The following NRG3 variants were observed in gnomAD, a reference collection of about 807,000 sequenced individuals.
NRG3 encodes neuregulin 3.
A neutral mutation model predicts 66.9 loss-of-function variants in NRG3; 31 were observed. The ratio of observed to expected loss-of-function variants is 0.46; its 90% CI spans 0.35 to 0.63. The LOEUF (loss-of-function observed/expected upper bound fraction) is 0.63. NRG3 is among the 20% of genes least tolerant of loss of function. The probability of loss-of-function intolerance (pLI) is 0.00; values close to 1 mark genes in which losing one functional copy is unlikely to be tolerated. For missense variants in NRG3, 910 were observed against 878.9 expected (o/e 1.04, Z -0.45); for synonymous variants, 393 against 359.4 (o/e 1.09, Z -1.06).
chr10:81,996,826 T>C (rs2060957655), intron 1 of NRG3, among the ~76,000 whole-genome samples: 1 of 152,180 alleles, frequency 6.6e-6, no homozygotes, highest in Admixed American at 6.5e-5. Flanking sequence ...GCATTTTCTA[T>C]ATCATCATTT....
intron 1 of NRG3, among the ~76,000 whole-genome samples, chr10:82,357,872 C>CT (rs1412591483): frequency 6.6e-6 from 1 of 152,118 alleles, no homozygotes; most frequent in Non-Finnish European, 1.5e-5. Flanking sequence ...AAATTAAAAG[C>CT]TTAAGCATTG....
chr10:82,639,549 G>T (rs2050424364), intron 2 of NRG3, among the ~76,000 whole-genome samples: 1 of 152,138 alleles, frequency 6.6e-6, no homozygotes, highest in African/African-American at 2.4e-5. Flanking sequence ...AAGACAATGG[G>T]ATATTTAGCT....
At chr10:81,945,916 A>G (rs1280601259) in intron 1 of NRG3, among the ~76,000 whole-genome samples, 2 of 152,110 alleles carry the variant, frequency 1.3e-5, no homozygotes, top group Admixed American at 6.6e-5. Context: ...AGGAAACACC[A>G]AAGATTTGCA....
chr10:82,732,807 A>T (rs1182702547), intron 2 of NRG3, among the ~76,000 whole-genome samples: 1 of 152,214 alleles, frequency 6.6e-6, no homozygotes, highest in Non-Finnish European at 1.5e-5. Flanking sequence ...CTTGCCTCTC[A>T]AATGTAAACT....
chr10:82,540,307 T>C (rs2132742242), intron 2 of NRG3, among the ~76,000 whole-genome samples: 1 of 152,298 alleles, frequency 6.6e-6, no homozygotes, highest in African/African-American at 2.4e-5. Context: ...CCTTCCAGTG[T>C]TGTGCTTTTC....
At chr10:82,053,798 G>C (rs922926250) in intron 1 of NRG3, among the ~76,000 whole-genome samples, 2 of 152,138 alleles carry the variant, frequency 1.3e-5, no homozygotes, top group African/African-American at 4.8e-5. Flanking sequence ...GGGAGTGTTG[G>C]GTGTGCAATT....
chr10:81,892,922 C>T (rs1206537840), intron 1 of NRG3, among the ~76,000 whole-genome samples: 1 of 152,128 alleles, frequency 6.6e-6, no homozygotes, highest in Non-Finnish European at 1.5e-5. Flanking sequence ...CAAATTATCT[C>T]ATGTAATCCA....
chr10:82,587,674 C>G (rs1590780617), intron 2 of NRG3, among the ~76,000 whole-genome samples: 1 of 152,046 alleles, frequency 6.6e-6, no homozygotes, highest in Non-Finnish European at 1.5e-5. Flanking sequence ...TCTTTCAGTT[C>G]TAGAGCCGCT....
intron 1 of NRG3, among the ~76,000 whole-genome samples, chr10:82,037,517 C>T (rs2062839779): frequency 6.6e-6 from 1 of 152,136 alleles, no homozygotes; most frequent in African/African-American, 2.4e-5. Flanking sequence ...CTCTCCTTTT[C>T]CCTTCTTTGT....
intron 2 of NRG3, among the ~76,000 whole-genome samples, chr10:82,696,267 A>G (rs1172262795): frequency 2.0e-5 from 3 of 152,164 alleles, no homozygotes; most frequent in African/African-American, 7.2e-5. Flanking sequence ...TTTTCCCTAG[A>G]GACCATCACG....
intron 3 of NRG3, among the ~76,000 whole-genome samples, chr10:82,811,865 C>A (rs972567894): frequency 6.6e-6 from 1 of 152,164 alleles, no homozygotes; most frequent in Non-Finnish European, 1.5e-5. Flanking sequence ...CTGTCTTAAT[C>A]CATACTTCAG....
chr10:82,554,782 G>T (rs965280121), intron 2 of NRG3, among the ~76,000 whole-genome samples: 2 of 152,082 alleles, frequency 1.3e-5, no homozygotes, highest in Non-Finnish European at 2.9e-5. Context: ...ATATTAATTG[G>T]ATCTTGTGTA....
chr10:82,574,766 A>G (rs2790713), intron 2 of NRG3, among the ~76,000 whole-genome samples: 13,340 of 151,848 alleles, frequency 0.088, 646 homozygotes, highest in East Asian at 0.15. Flanking sequence ...AGATAAACCT[A>G]AAGTTTATGT....
chr10:82,035,623 C>G (rs1564756100), intron 1 of NRG3, among the ~76,000 whole-genome samples: 3 of 152,030 alleles, frequency 2.0e-5, no homozygotes, highest in African/African-American at 7.2e-5. Context: ...TTTCCTATGA[C>G]TTACTGGAAA....
chr10:82,542,033 C>T (rs10884918), intron 2 of NRG3, among the ~76,000 whole-genome samples: 8,929 of 152,190 alleles, frequency 0.059, 590 homozygotes, highest in East Asian at 0.16. Flanking sequence ...TTTTAAGCCC[C>T]GCATGCATTA....
Position 82,633,728 on chromosome 10 carries a change from A to G in NRG3, c.954-104849A>G, listed in dbSNP as rs191305767. ...CTCTGTTTCCACGAGACGTTACTAGAAAAATGGAGGCTGTAGCCAAGTTTG... is the reference window on the plus strand; with the variant it reads ...CTCTGTTTCCACGAGACGTTACTAGGAAAATGGAGGCTGTAGCCAAGTTTG... On this transcript the variant is annotated intron_variant, in intron 2 of 8. Transcript: ENST00000372141. 4.5e-4 allele frequency among the ~76,000 whole-genome samples: 68 copies of G among 152,310 alleles called. 1 individual carries two copies. In the South Asian group the frequency reaches 0.01, roughly 23 times the overall value.
intron 1 of NRG3, among the ~76,000 whole-genome samples, chr10:82,182,360 A>G (rs2073484777): frequency 6.6e-6 from 1 of 151,384 alleles, no homozygotes; most frequent in Non-Finnish European, 1.5e-5. Context: ...TGTTTCATTG[A>G]TTTTTTATAG....
At chr10:82,877,371 C>CTTT (rs59994503) in intron 4 of NRG3, among the ~76,000 whole-genome samples, 31 of 78,984 alleles carry the variant, frequency 3.9e-4, no homozygotes, top group Non-Finnish European at 6.1e-4. Context: ...ATAGGGCAGA[C>CTTT]TTTTTTTTTT....
In NRG3 at chr10:82,314,804, C is replaced by T. The variant is rs184151718; in HGVS notation, c.824-43935C>T. The stretch of plus-strand genomic sequence containing the variant: ...CAGCCTGGGTGACAGAGCGAGAGTC[C>T]GTCTCAAAACAAATAAACAAAAAAA... On this transcript the variant is annotated intron_variant, in intron 1 of 8. Transcript: ENST00000372141. Among the ~76,000 whole-genome samples the T allele has an allele frequency of 1.7e-3, 259 of 152,078 alleles. 1 individual carries two copies. The highest frequency in any genetic ancestry group is 3.0e-3 in the Non-Finnish European group (204 of 67,992).
Sources: allele counts gnomAD v4.1 joint callset (sites outside exome capture counted in the v4.1 genomes callset), GRCh38; gene constraint gnomAD v4.1.1; transcripts MANE v1.5; gene names NCBI Gene and HGNC (gene_info 2026-07-23, HGNC 2026-07-21).